The following STXBP5L variants were observed in gnomAD, a reference collection of about 807,000 sequenced individuals.
The protein encoded by STXBP5L is syntaxin-binding protein 5-like.
Under a neutral mutation model 144.5 loss-of-function variants are expected in STXBP5L, and 65 were observed. The ratio of observed to expected loss-of-function variants is 0.45; its 90% CI spans 0.37 to 0.55. The LOEUF (loss-of-function observed/expected upper bound fraction) is 0.55, where lower values mean the gene tolerates loss of function less well. Among genes scored for constraint, STXBP5L ranks in the 20% least tolerant of loss-of-function variants. The pLI, the probability that STXBP5L is intolerant of heterozygous loss-of-function variation, is 0.00. For missense variants in STXBP5L, 1,298 were observed against 1,405.5 expected, an observed-to-expected ratio of 0.92 and a Z score of 1.22; for synonymous variants, 505 against 469.6, an observed-to-expected ratio of 1.08 and a Z score of -0.97.
chr3:120,984,632 CTTTTTT>C (rs35656223), intron 3 of STXBP5L, among the ~76,000 whole-genome samples: 58 of 71,968 alleles, frequency 8.1e-4, no homozygotes, highest in Non-Finnish European at 1.1e-3. Context: ...TCTTTCTTTC[CTTTTTT>C]TTTTTTTTTT....
intron 5 of STXBP5L, among the ~76,000 whole-genome samples, chr3:121,097,627 C>A (rs1041673565): frequency 1.3e-5 from 2 of 152,160 alleles, no homozygotes; most frequent in African/African-American, 2.4e-5. Context: ...CTTCAGATCA[C>A]CCTCCGTGAG....
intron 22 of STXBP5L, among the ~76,000 whole-genome samples, chr3:121,395,837 C>T (rs542703324): frequency 6.6e-6 from 1 of 152,298 alleles, no homozygotes; most frequent in African/African-American, 2.4e-5. Flanking sequence ...AGGTGGGTGG[C>T]TGTGTTCGAC....
intron 20 of STXBP5L, among the ~76,000 whole-genome samples, chr3:121,344,069 C>G (rs4586750): frequency 0.79 from 118,637 of 150,904 alleles, 46,873 homozygotes; most frequent in East Asian, 0.93. Flanking sequence ...CAATGGAACA[C>G]AACAGAGCCC....
chr3:121,009,720 T>G (rs1269384442), intron 3 of STXBP5L, among the ~76,000 whole-genome samples: 1 of 151,964 alleles, frequency 6.6e-6, no homozygotes, highest in Non-Finnish European at 1.5e-5. Flanking sequence ...TGGGCCTAAT[T>G]CTGAATGTAC....
At chr3:121,355,488 T>A (rs2045473521) in intron 20 of STXBP5L, among the ~76,000 whole-genome samples, 1 of 152,190 alleles carries the variant, frequency 6.6e-6, no homozygotes. Context: ...AGCTATTGAA[T>A]CTTGTGCATG....
intron 19 of STXBP5L, among the ~76,000 whole-genome samples, chr3:121,298,202 A>C (rs530358567): frequency 1.3e-5 from 2 of 152,300 alleles, no homozygotes; most frequent in East Asian, 3.9e-4. Flanking sequence ...AACAGGTATG[A>C]GGTGATATCT....
chr3:121,390,144 C>T (rs1222955455), intron 22 of STXBP5L, among the ~76,000 whole-genome samples: 1 of 152,092 alleles, frequency 6.6e-6, no homozygotes, highest in Non-Finnish European at 1.5e-5. Flanking sequence ...TATGTAATGG[C>T]CTTCTTTGTC....
Position 121,238,991 on chromosome 3 carries a change from C to T in STXBP5L, c.1205C>T (p.Pro402Leu), listed in dbSNP as rs540280160. Residue 402 changes from proline (P) to leucine (L), a missense_variant, in exon 13 of 27, where the codon CCA becomes CTA. By Grantham distance (98) the Pro-to-Leu change is moderately conservative (BLOSUM62 -3). Coordinates refer to ENST00000471454, the MANE Select transcript of STXBP5L (RefSeq NM_001308330.2). ...ATTAGTTTTCCAATCTTTGAAAATCCATATCCCATGGACATTCATGAATCA... is the reference window on the plus strand; with the variant it reads ...ATTAGTTTTCCAATCTTTGAAAATCTATATCCCATGGACATTCATGAATCA... ...TQSNFPIFEN[P>L]YPMDIHESPV... The T allele has an allele frequency of 1.9e-5, 31 of 1,599,516 alleles. 1 individual carries two copies. In the South Asian group the frequency reaches 3.4e-4, roughly 18 times the overall value.
intron 20 of STXBP5L, among the ~76,000 whole-genome samples, chr3:121,338,830 T>A (rs1293279875): frequency 6.6e-6 from 1 of 151,778 alleles, no homozygotes; most frequent in African/African-American, 2.4e-5. Flanking sequence ...ACATACCACC[T>A]CCCCAGCTTG....
chr3:121,132,184 C>T (rs1345269530), intron 7 of STXBP5L, among the ~76,000 whole-genome samples: 1 of 152,196 alleles, frequency 6.6e-6, no homozygotes, highest in Non-Finnish European at 1.5e-5. Flanking sequence ...ACTTCTGACC[C>T]TCCCTGCCCT....
chr3:121,187,217 A>G lies in STXBP5L; in HGVS notation c.878-18706A>G, dbSNP rs2047423407. On this transcript the variant is annotated intron_variant, in intron 9 of 26. Transcript: ENST00000471454. ...ACATGTACACCATGGAATACTATGCAGCCATAAAAAATGATGAGTTCATGT... is the reference window on the plus strand; with the variant it reads ...ACATGTACACCATGGAATACTATGCGGCCATAAAAAATGATGAGTTCATGT... 2.6e-5 allele frequency among the ~76,000 whole-genome samples: 4 copies of G among 152,204 alleles called. No homozygotes were observed. In the South Asian group the frequency reaches 8.3e-4, roughly 32 times the overall value.
intron 21 of STXBP5L, among the ~76,000 whole-genome samples, chr3:121,379,894 G>A (rs1293021797): frequency 6.6e-6 from 1 of 152,202 alleles, no homozygotes; most frequent in South Asian, 2.1e-4. Flanking sequence ...GATTACAGTG[G>A]CATAATCATA....
At chr3:120,993,658 A>G (rs556790796) in intron 3 of STXBP5L, among the ~76,000 whole-genome samples, 80 of 152,164 alleles carry the variant, frequency 5.3e-4, no homozygotes, top group African/African-American at 1.9e-3. Flanking sequence ...CCATTGGTCT[A>G]CATGTCTGTT....
In STXBP5L at chr3:120,909,625, C is replaced by T. The variant is rs777950391; in HGVS notation, c.47C>T (p.Ser16Phe). The T allele has an allele frequency of 6.2e-7, 1 of 1,613,584 alleles. No homozygotes were observed. Among genetic ancestry groups the T allele is most frequent in the East Asian group, 2.2e-5 (1 of 44,816 alleles). ...AAAGTTTTGGATGGCTTAACTGCCT[C>T]CTCCCCTGGCAGTGGTAGCAGCAGT... ...FRKVLDGLTASSPGSGSSSGS... is the reference protein window; with the variant it reads ...FRKVLDGLTAFSPGSGSSSGS... The change falls in exon 2 of 27, where the codon TCC becomes TTC. Residue 16 changes from serine (S) to phenylalanine (F), a missense_variant. Transcript: ENST00000471454.
At chr3:120,961,197 G>GTTTT (rs138331318) in intron 3 of STXBP5L, among the ~76,000 whole-genome samples, 8 of 144,320 alleles carry the variant, frequency 5.5e-5, no homozygotes, top group African/African-American at 1.8e-4. Flanking sequence ...ATTTTATTTA[G>GTTTT]TTTTTTTTTT....
chr3:121,049,648 G>C (rs1465721931), intron 5 of STXBP5L: 1 of 154,066 alleles, frequency 6.5e-6, no homozygotes, highest in Admixed American at 6.6e-5. Context: ...CAGGCCCATG[G>C]GTCTTATCCT....
rs375788545 is a variant in STXBP5L at position 121,387,285 on chromosome 3, T to A, written c.2587+5753T>A. On this transcript the variant is annotated intron_variant, in intron 22 of 26. Transcript: ENST00000471454. ...TTTTAGTGTAAATTTGTTTGAGTTC[T>A]TTGTAGATTCTGGATATTAGCCCTT... Among the ~76,000 whole-genome samples the A allele has an allele frequency of 7.2e-5, 11 of 152,262 alleles. No individual in the cohort carries two copies. The East Asian group carries it at 2.1e-3, about 29-fold the overall frequency.
intron 5 of STXBP5L, among the ~76,000 whole-genome samples, chr3:121,076,790 G>T (rs2042036806): frequency 6.6e-6 from 1 of 152,152 alleles, no homozygotes; most frequent in Non-Finnish European, 1.5e-5. Flanking sequence ...CTCCAGTGGA[G>T]TAGGCTTTGA....
chr3:121,366,233 T>C (rs1257926623), intron 20 of STXBP5L, among the ~76,000 whole-genome samples: 2 of 151,972 alleles, frequency 1.3e-5, no homozygotes, highest in Non-Finnish European at 1.5e-5. Context: ...ATGCGTATAC[T>C]TTTGTTGATG....
Sources: gnomAD v4.1 joint callset for allele counts (sites outside exome capture counted in the v4.1 genomes callset) on GRCh38, gnomAD v4.1.1 for gene constraint, MANE v1.5 for transcripts, NCBI Gene and HGNC (gene_info 2026-07-23, HGNC 2026-07-21) for gene names.